The following CMIP variants were observed in gnomAD, a reference collection of about 807,000 sequenced individuals.
CMIP encodes the protein c-Maf inducing protein.
Under a neutral mutation model 97.3 loss-of-function variants are expected in CMIP, and 13 were observed. The ratio of observed to expected loss-of-function variants is 0.13; its 90% confidence interval spans 0.09 to 0.21. The LOEUF (loss-of-function observed/expected upper bound fraction) is 0.21, where lower values mean the gene tolerates loss of function less well. Ranked by LOEUF, CMIP falls within the 10% of genes least tolerant of loss-of-function variation. The probability of loss-of-function intolerance (pLI) is 1.00; values close to 1 mark genes in which losing one functional copy is unlikely to be tolerated. For missense variants in CMIP, 847 were observed against 1,024.9 expected (o/e 0.83, Z 2.37); for synonymous variants, 538 against 436.3 (o/e 1.23, Z -2.91).
chr16:81,577,190 A>G (rs2091206138), intron 1 of CMIP, among the ~76,000 whole-genome samples: 1 of 146,178 alleles, frequency 6.8e-6, no homozygotes, highest in Non-Finnish European at 1.5e-5. Context: ...CACCATCACC[A>G]TCATCACCAT....
At chr16:81,620,758 G>A (rs2091981569) in intron 2 of CMIP, 118 bp from the exon 3 acceptor site, 2 of 1,204,562 alleles carry the variant, frequency 1.7e-6, no homozygotes, top group Non-Finnish European at 2.4e-6. Flanking sequence ...GCTTGTTAGG[G>A]TCACAGGGCA....
In CMIP at chr16:81,708,090, G is replaced by A. The variant is rs552650770; in HGVS notation, c.2268+1006G>A. On this transcript the variant is annotated intron_variant, in intron 20 of 20. Coordinates refer to ENST00000537098, the MANE Select transcript of CMIP (RefSeq NM_198390.3). ...GGTGTGGCTGCCACAGTCCCCTTCCGGGGGATAGTCCCTCCTGGCAGGCAC... is the reference window on the plus strand; with the variant it reads ...GGTGTGGCTGCCACAGTCCCCTTCCAGGGGATAGTCCCTCCTGGCAGGCAC... Among the ~76,000 whole-genome samples the A allele has an allele frequency of 1.0e-3, 157 of 152,326 alleles. 1 individual carries two copies. The highest frequency in any genetic ancestry group is 3.4e-3 in the African/African-American group (140 of 41,568).
intron 1 of CMIP, among the ~76,000 whole-genome samples, chr16:81,587,079 G>A (rs761002127): frequency 9.9e-5 from 15 of 152,232 alleles, no homozygotes; most frequent in Non-Finnish European, 1.9e-4. Flanking sequence ...TGCAGTGTGT[G>A]CAGTGTGATT....
intron 1 of CMIP, among the ~76,000 whole-genome samples, chr16:81,555,181 C>G (rs1196535100): frequency 2.0e-5 from 3 of 152,358 alleles, no homozygotes; most frequent in East Asian, 1.9e-4. Context: ...CAGAAATCCA[C>G]AAGCAGCATT....
intron 1 of CMIP, among the ~76,000 whole-genome samples, chr16:81,533,046 C>A (rs1010042841): frequency 6.6e-6 from 1 of 152,200 alleles, no homozygotes; most frequent in African/African-American, 2.4e-5. Flanking sequence ...TCAGAAGTCA[C>A]CTCCTTGGGC....
At chr16:81,494,179 C>T (rs961754426) in intron 1 of CMIP, among the ~76,000 whole-genome samples, 2 of 152,134 alleles carry the variant, frequency 1.3e-5, no homozygotes, top group Admixed American at 1.3e-4. Flanking sequence ...GGGGCAGTTA[C>T]CGGGGCCTCA....
intron 1 of CMIP, among the ~76,000 whole-genome samples, chr16:81,460,591 C>T (rs544733914): frequency 6.6e-6 from 1 of 152,254 alleles, no homozygotes; most frequent in African/African-American, 2.4e-5. Context: ...TTTGTGCTTC[C>T]CCTGTACGCT....
chr16:81,478,300 A>G (rs1908053088), intron 1 of CMIP, among the ~76,000 whole-genome samples: 1 of 152,234 alleles, frequency 6.6e-6, no homozygotes, highest in South Asian at 2.1e-4. Context: ...GGGAGTGGTA[A>G]GGTATCAGCA....
intron 9 of CMIP, among the ~76,000 whole-genome samples, chr16:81,675,965 C>G (rs1567654258): frequency 6.6e-6 from 1 of 152,170 alleles, no homozygotes. Context: ...AGTGGCAGAA[C>G]TTTTATCCTG....
chr16:81,569,785 C>T (rs1008871802), intron 1 of CMIP, among the ~76,000 whole-genome samples: 14 of 152,204 alleles, frequency 9.2e-5, no homozygotes, highest in Non-Finnish European at 1.8e-4. Flanking sequence ...TGACTTTGAC[C>T]TGGTGTCAAC....
intron 3 of CMIP, among the ~76,000 whole-genome samples, chr16:81,634,562 C>T (rs193013854): frequency 3.3e-4 from 50 of 152,302 alleles, no homozygotes; most frequent in Admixed American, 2.5e-3. Context: ...ACTCCTAGGA[C>T]GCTGAGCTTC....
chr16:81,479,993 C>A (rs945681862), intron 1 of CMIP, among the ~76,000 whole-genome samples: 1 of 152,160 alleles, frequency 6.6e-6, no homozygotes, highest in African/African-American at 2.4e-5. Flanking sequence ...CAGCCCTGGC[C>A]GCACAATGGG....
At chr16:81,598,095 C>G (rs952658950) in intron 1 of CMIP, among the ~76,000 whole-genome samples, 1 of 152,108 alleles carries the variant, frequency 6.6e-6, no homozygotes, top group East Asian at 1.9e-4. Context: ...AAGTACTAAT[C>G]CTGACCACAA....
intron 13 of CMIP, 21 bp downstream of exon 13, chr16:81,693,508 T>C (rs745433403): frequency 2.5e-6 from 4 of 1,606,890 alleles, no homozygotes; most frequent in Non-Finnish European, 3.4e-6. Flanking sequence ...TGTTTCTGCA[T>C]CTCAGGCCGG....
At chr16:81,634,378 AC>A (rs2092207293) in intron 3 of CMIP, among the ~76,000 whole-genome samples, 1 of 152,166 alleles carries the variant, frequency 6.6e-6, no homozygotes, top group Non-Finnish European at 1.5e-5. Flanking sequence ...TGGAATTCAA[AC>A]CCAGAGTCTG....
intron 1 of CMIP, among the ~76,000 whole-genome samples, chr16:81,524,176 G>T (rs1056160670): frequency 6.6e-6 from 1 of 152,198 alleles, no homozygotes; most frequent in African/African-American, 2.4e-5. Flanking sequence ...GTAATGCCAC[G>T]ATCCATTGCT....
chr16:81,490,514 G>GGC (rs2089388159), intron 1 of CMIP, among the ~76,000 whole-genome samples: 1 of 152,200 alleles, frequency 6.6e-6, no homozygotes, highest in African/African-American at 2.4e-5. Context: ...CAGCTACTCG[G>GGC]GCGGCTGAGG....
chr16:81,690,280 T>C (rs1034888257), intron 10 of CMIP, among the ~76,000 whole-genome samples: 3 of 152,356 alleles, frequency 2.0e-5, no homozygotes, highest in South Asian at 4.1e-4. Context: ...ATTCTTCCTA[T>C]CCATGAGCAT....
chr16:81,517,029 A>G (rs1400779217), intron 1 of CMIP, among the ~76,000 whole-genome samples: 3 of 151,596 alleles, frequency 2.0e-5, no homozygotes, highest in Non-Finnish European at 4.4e-5. Context: ...CAAGGTCATC[A>G]GTGAAAAATC....
Sources: gnomAD v4.1 joint callset for allele counts (sites outside exome capture counted in the v4.1 genomes callset) on GRCh38, gnomAD v4.1.1 for gene constraint, MANE v1.5 for transcripts, NCBI Gene and HGNC (gene_info 2026-07-23, HGNC 2026-07-21) for gene names.